The following NR1H4 variants were observed in gnomAD, a reference collection of about 807,000 sequenced individuals.
The protein encoded by NR1H4 is bile acid receptor.
A neutral mutation model predicts 58.5 loss-of-function variants in NR1H4; 23 were observed. That is an observed-to-expected ratio of 0.39 (90% CI 0.28 to 0.56). The LOEUF is 0.56. Ranked by LOEUF, NR1H4 falls within the 20% of genes least tolerant of loss-of-function variation. The pLI is 0.58. For synonymous variants in NR1H4, 214 were observed against 198.0 expected (o/e 1.08, Z -0.68); for missense variants, 487 against 576.9 (o/e 0.84, Z 1.60).
At chr12:100,542,177 C>G (rs889979760) in intron 9 of NR1H4, among the ~76,000 whole-genome samples, 1 of 151,930 alleles carries the variant, frequency 6.6e-6, no homozygotes, top group Non-Finnish European at 1.5e-5. Flanking sequence ...GAAACTCCGT[C>G]TCTACTAAAA....
chr12:100,552,987 G>C (rs1282492992), intron 9 of NR1H4, among the ~76,000 whole-genome samples: 2 of 151,772 alleles, frequency 1.3e-5, no homozygotes, highest in Non-Finnish European at 2.9e-5. Context: ...GGAGATAACA[G>C]TAACTGATTC....
At chr12:100,489,890 G>A (rs1953570214) in intron 1 of NR1H4, among the ~76,000 whole-genome samples, 1 of 152,088 alleles carries the variant, frequency 6.6e-6, no homozygotes, top group Admixed American at 6.6e-5. Context: ...TCTGACTTGA[G>A]TGGACCCTGC....
chr12:100,558,204 CAA>C (rs569114964), intron 9 of NR1H4, among the ~76,000 whole-genome samples: 334 of 84,742 alleles, frequency 3.9e-3, no homozygotes, highest in African/African-American at 0.01. Flanking sequence ...ACTAAAAATA[CAA>C]AAAAAAAAAA....
At chr12:100,524,001 AATACG>A (rs1466170457) in intron 4 of NR1H4, among the ~76,000 whole-genome samples, 1 of 152,360 alleles carries the variant, frequency 6.6e-6, no homozygotes, top group South Asian at 2.1e-4. Flanking sequence ...TATCGAAAAG[AATACG>A]TAGAAAAATG....
At chr12:100,546,250 A>T (rs1249169848) in intron 9 of NR1H4, among the ~76,000 whole-genome samples, 1 of 152,132 alleles carries the variant, frequency 6.6e-6, no homozygotes, top group Non-Finnish European at 1.5e-5. Flanking sequence ...TAGCACTTTG[A>T]GGTAGATATT....
At chr12:100,505,760 A>G in intron 3 of NR1H4, 1 of 540,082 alleles carries the variant, frequency 1.9e-6, no homozygotes, top group South Asian at 2.8e-5. Flanking sequence ...ATCAAAATAG[A>G]AATAAATTTA....
In NR1H4 at chr12:100,519,276, G is replaced by A. The variant is rs375143366; in HGVS notation, c.445+8133G>A. Among the ~76,000 whole-genome samples the A allele has an allele frequency of 2.0e-4, 30 of 152,004 alleles. No individual in the cohort carries two copies. The South Asian group carries it at 6.2e-3, about 32-fold the overall frequency. On this transcript the variant is annotated intron_variant, in intron 4 of 10. Coordinates refer to ENST00000392986, the MANE Select transcript of NR1H4 (RefSeq NM_001206979.2). ...ATTCAGTATCATTCCATTCACCCCC[G>A]CCAAAATTCTTCTGGCGGTTTATCT...
At chr12:100,547,435 A>G (rs1226767474) in intron 9 of NR1H4, among the ~76,000 whole-genome samples, 5 of 152,136 alleles carry the variant, frequency 3.3e-5, no homozygotes, top group Non-Finnish European at 7.4e-5. Context: ...CAAAGGGGAA[A>G]AAGAGTGGCA....
chr12:100,514,300 A>G (rs1467148458), intron 4 of NR1H4, among the ~76,000 whole-genome samples: 1 of 152,218 alleles, frequency 6.6e-6, no homozygotes, highest in African/African-American at 2.4e-5. Flanking sequence ...AATCTGTAGT[A>G]CCATATTTAT....
chr12:100,521,970 T>A (rs1348066885), intron 4 of NR1H4, among the ~76,000 whole-genome samples: 2 of 151,968 alleles, frequency 1.3e-5, no homozygotes, highest in East Asian at 1.9e-4. Context: ...GTGGGAAGAG[T>A]AGGACCCTGA....
intron 3 of NR1H4, among the ~76,000 whole-genome samples, chr12:100,494,087 T>C (rs1328260414): frequency 6.6e-6 from 1 of 152,226 alleles, no homozygotes; most frequent in Non-Finnish European, 1.5e-5. Context: ...TTCTGCATAA[T>C]AGCCCTGCTG....
chr12:100,541,988 G>A (rs991677489), intron 9 of NR1H4, among the ~76,000 whole-genome samples: 1 of 152,102 alleles, frequency 6.6e-6, no homozygotes, highest in Admixed American at 6.5e-5. Context: ...TTTTCAAATG[G>A]AAAAGCTGAG....
At chr12:100,534,237 ATCAT>A (rs1954763940) in intron 5 of NR1H4, among the ~76,000 whole-genome samples, 1 of 152,208 alleles carries the variant, frequency 6.6e-6, no homozygotes, top group Non-Finnish European at 1.5e-5. Flanking sequence ...TGATTGTATG[ATCAT>A]TCAAAGACAT....
chr12:100,557,812 C>T (rs1955365453), intron 9 of NR1H4, among the ~76,000 whole-genome samples: 1 of 152,150 alleles, frequency 6.6e-6, no homozygotes, highest in Non-Finnish European at 1.5e-5. Flanking sequence ...AAAGTTTATT[C>T]TGGTTTGCTC....
At chr12:100,534,783 C>T in intron 5 of NR1H4, 107 bp from the exon 6 acceptor site, 3 of 1,268,362 alleles carry the variant, frequency 2.4e-6, no homozygotes, top group Admixed American at 1.7e-5. Flanking sequence ...AGTTCTGTGC[C>T]ATTGCATAGG....
intron 8 of NR1H4, 122 bp from the exon 9 acceptor site, chr12:100,540,550 T>C: frequency 9.3e-7 from 1 of 1,078,168 alleles, no homozygotes; most frequent in Non-Finnish European, 1.4e-6. Flanking sequence ...TGGACTCAAC[T>C]AGACTACCCA....
rs113496012 is a variant in NR1H4, at chr12:100,475,977, G to A, written c.-190+1918G>A. 9.9e-4 allele frequency among the ~76,000 whole-genome samples: 150 copies of A among 152,162 alleles called. 1 individual carries two copies. The highest frequency in any genetic ancestry group is 2.9e-3 in the African/African-American group (122 of 41,516). On this transcript the variant is annotated intron_variant, in intron 1 of 10. Transcript: ENST00000392986. ...TCGAACTCTTGACCTCAGGTGATCCGCCCGCCTCGGCTTCCCAGAGTGCTA... is the reference window on the plus strand; with the variant it reads ...TCGAACTCTTGACCTCAGGTGATCCACCCGCCTCGGCTTCCCAGAGTGCTA...
chr12:100,553,240 C>T (rs1451732235), intron 9 of NR1H4, among the ~76,000 whole-genome samples: 4 of 152,114 alleles, frequency 2.6e-5, no homozygotes, highest in Admixed American at 1.3e-4. Context: ...CCTTGTGATC[C>T]GCCCGCCTTG....
chr12:100,549,514 A>T (rs906458886), intron 9 of NR1H4, among the ~76,000 whole-genome samples: 1 of 152,182 alleles, frequency 6.6e-6, no homozygotes. Flanking sequence ...AGACCTGTAA[A>T]GAGAACTACT....
Sources: gnomAD v4.1 joint callset for allele counts (sites outside exome capture counted in the v4.1 genomes callset) on GRCh38, gnomAD v4.1.1 for gene constraint, MANE v1.5 for transcripts, NCBI Gene and HGNC (gene_info 2026-07-23, HGNC 2026-07-21) for gene names.